The following RIT2 variants were observed in gnomAD, a reference collection of about 807,000 sequenced individuals.
RIT2 encodes Ras like without CAAX 2, also known as GTP-binding protein Rit2.
A neutral mutation model predicts 23.7 loss-of-function variants in RIT2; 24 were observed. That is an observed-to-expected ratio of 1.01 (90% CI 0.73 to 1.43). The LOEUF (loss-of-function observed/expected upper bound fraction) is 1.43, where lower values mean the gene tolerates loss of function less well. Ranked by LOEUF, RIT2 falls within the 40% of genes most tolerant of loss-of-function variation. The pLI, the probability that RIT2 is intolerant of heterozygous loss-of-function variation, is 0.00. For synonymous variants in RIT2, 107 were observed against 91.1 expected, an observed-to-expected ratio of 1.17 and a Z score of -0.99; for missense variants, 236 against 266.9, an observed-to-expected ratio of 0.88 and a Z score of 0.81.
intron 2 of RIT2, among the ~76,000 whole-genome samples, chr18:43,017,963 A>G (rs1482844818): frequency 6.6e-6 from 1 of 152,070 alleles, no homozygotes; most frequent in Non-Finnish European, 1.5e-5. Flanking sequence ...CCTGATACAC[A>G]CACGTTTACT....
intron 2 of RIT2, among the ~76,000 whole-genome samples, chr18:43,010,109 T>C (rs1211565964): frequency 6.6e-6 from 1 of 151,828 alleles, no homozygotes; most frequent in Non-Finnish European, 1.5e-5. Flanking sequence ...GCAAGCATTT[T>C]CCTTTACTAC....
At chr18:42,873,490 T>C (rs1419751666) in intron 4 of RIT2, among the ~76,000 whole-genome samples, 9 of 152,092 alleles carry the variant, frequency 5.9e-5, no homozygotes, top group Non-Finnish European at 1.0e-4. Flanking sequence ...AGAAGACACA[T>C]CTAGGAACAT....
intron 4 of RIT2, among the ~76,000 whole-genome samples, chr18:42,878,101 C>CATAT (rs1166041553): frequency 2.0e-5 from 3 of 148,414 alleles, no homozygotes; most frequent in Admixed American, 6.8e-5. Flanking sequence ...CATACACACA[C>CATAT]ATATATATAT....
chr18:43,088,426 A>G (rs1477399113), intron 1 of RIT2, among the ~76,000 whole-genome samples: 1 of 152,188 alleles, frequency 6.6e-6, no homozygotes, highest in Non-Finnish European at 1.5e-5. Context: ...TTTAGTCTCT[A>G]TCTTGAGGAA....
intron 3 of RIT2, among the ~76,000 whole-genome samples, chr18:42,959,672 T>C (rs1910053222): frequency 6.6e-6 from 1 of 152,190 alleles, no homozygotes; most frequent in African/African-American, 2.4e-5. Flanking sequence ...CTGTACTCCA[T>C]TTAGACTAAT....
chr18:43,067,771 A>C (rs976231389), intron 1 of RIT2, among the ~76,000 whole-genome samples: 4 of 152,094 alleles, frequency 2.6e-5, no homozygotes, highest in African/African-American at 7.2e-5. Flanking sequence ...CTGTTCCTGA[A>C]TTCCAAAAGG....
At chr18:42,761,863 A>G (rs2143901063) in intron 4 of RIT2, among the ~76,000 whole-genome samples, 1 of 152,280 alleles carries the variant, frequency 6.6e-6, no homozygotes, top group South Asian at 2.1e-4. Context: ...TCTTGAGATC[A>G]GCAATTAATT....
chr18:42,820,574 C>A (rs757188754), intron 4 of RIT2, among the ~76,000 whole-genome samples: 11 of 152,074 alleles, frequency 7.2e-5, no homozygotes, highest in Non-Finnish European at 1.5e-4. Context: ...ATTCCCCTGG[C>A]TTTCTTCTTA....
chr18:43,091,835 C>A (rs534710003), intron 1 of RIT2, among the ~76,000 whole-genome samples: 10 of 151,998 alleles, frequency 6.6e-5, no homozygotes, highest in African/African-American at 2.2e-4. Flanking sequence ...TTTATTTAAC[C>A]TTTCCTTCTT....
chr18:42,815,884 A>T (rs572674148), intron 4 of RIT2, among the ~76,000 whole-genome samples: 13 of 152,314 alleles, frequency 8.5e-5, no homozygotes, highest in Admixed American at 3.3e-4. Context: ...TTAAAAATCT[A>T]AAAATCTTCA....
chr18:43,090,220 A>G (rs1325108921), intron 1 of RIT2, among the ~76,000 whole-genome samples: 1 of 152,200 alleles, frequency 6.6e-6, no homozygotes, highest in Non-Finnish European at 1.5e-5. Context: ...GGACATGAAC[A>G]GACACTTTTC....
intron 1 of RIT2, among the ~76,000 whole-genome samples, chr18:43,099,906 T>G (rs1913643752): frequency 6.6e-6 from 1 of 152,120 alleles, no homozygotes; most frequent in Admixed American, 6.6e-5. Flanking sequence ...GCTGCAGCCC[T>G]GAATCTCACA....
chr18:42,852,420 C>T (rs1310337823), intron 4 of RIT2, among the ~76,000 whole-genome samples: 1 of 152,104 alleles, frequency 6.6e-6, no homozygotes, highest in African/African-American at 2.4e-5. Flanking sequence ...ATTAATAAGG[C>T]TCTGTACTGT....
intron 1 of RIT2, among the ~76,000 whole-genome samples, chr18:43,087,387 G>A (rs1283619860): frequency 6.6e-6 from 1 of 152,110 alleles, no homozygotes; most frequent in Non-Finnish European, 1.5e-5. Context: ...ACTATTTTGA[G>A]CATTTTATAG....
At chr18:43,018,612 A>T (rs1282046095) in intron 2 of RIT2, among the ~76,000 whole-genome samples, 1 of 151,992 alleles carries the variant, frequency 6.6e-6, no homozygotes, top group Non-Finnish European at 1.5e-5. Context: ...GAGAGAATGA[A>T]AAGACATATT....
intron 2 of RIT2, among the ~76,000 whole-genome samples, chr18:43,025,338 TA>T (rs1911690923): frequency 6.6e-6 from 1 of 150,906 alleles, no homozygotes; most frequent in Non-Finnish European, 1.5e-5. Flanking sequence ...GGTAAGAATG[TA>T]AATTAGTACA....
At chr18:42,806,995 G>A (rs1028518278) in intron 4 of RIT2, among the ~76,000 whole-genome samples, 1 of 152,142 alleles carries the variant, frequency 6.6e-6, no homozygotes, top group Non-Finnish European at 1.5e-5. Flanking sequence ...TTACTGCTGT[G>A]ATATATTTAT....
intron 2 of RIT2, among the ~76,000 whole-genome samples, chr18:43,000,474 C>T (rs1361259177): frequency 6.6e-6 from 1 of 151,860 alleles, no homozygotes; most frequent in African/African-American, 2.4e-5. Flanking sequence ...TATCTATGGA[C>T]AGGATGAAGA....
At chr18:43,001,744 GT>G (rs1196796338) in intron 2 of RIT2, among the ~76,000 whole-genome samples, 1 of 151,822 alleles carries the variant, frequency 6.6e-6, no homozygotes, top group East Asian at 1.9e-4. Flanking sequence ...TTCTCTTTAC[GT>G]TATTAACCCT....
Sources: gnomAD v4.1 joint callset for allele counts (sites outside exome capture counted in the v4.1 genomes callset) on GRCh38, gnomAD v4.1.1 for gene constraint, MANE v1.5 for transcripts, NCBI Gene and HGNC (gene_info 2026-07-23, HGNC 2026-07-21) for gene names.